The following GALNT13 variants were observed in gnomAD, a reference collection of about 807,000 sequenced individuals.
GALNT13 encodes the protein polypeptide N-acetylgalactosaminyltransferase 13.
Under a neutral mutation model 64.2 loss-of-function variants are expected in GALNT13, and 28 were observed. The observed-to-expected ratio is 0.44, with a 90% CI of 0.32 to 0.60. GALNT13 has a LOEUF of 0.60. Ranked by LOEUF, GALNT13 falls within the 20% of genes least tolerant of loss-of-function variation. The pLI, the probability that GALNT13 is intolerant of heterozygous loss-of-function variation, is 0.05. For missense variants in GALNT13, 577 were observed against 669.8 expected (o/e 0.86, Z 1.53); for synonymous variants, 214 against 224.6 (o/e 0.95, Z 0.42).
At chr2:153,331,190 G>T in the GALNT13 span, among the ~76,000 whole-genome samples, 1 of 150,548 alleles carries the variant, frequency 6.6e-6, no homozygotes. Context: ...TTTTGTTGAA[G>T]ATTTTTGTGT....
chr2:153,767,793 GT>G, the GALNT13 span, among the ~76,000 whole-genome samples: 15,279 of 145,132 alleles, frequency 0.11, 923 homozygotes, highest in African/African-American at 0.16. Context: ...ACTTTTTAAT[GT>G]TTTTTTTTTT....
chr2:153,285,212 A>T, the GALNT13 span, among the ~76,000 whole-genome samples: 6 of 152,130 alleles, frequency 3.9e-5, no homozygotes, highest in Non-Finnish European at 8.8e-5. Flanking sequence ...CTCACTCATT[A>T]TCATGAGAAC....
chr2:153,164,067 C>A, the GALNT13 span, among the ~76,000 whole-genome samples: 1 of 151,180 alleles, frequency 6.6e-6, no homozygotes, highest in Non-Finnish European at 1.5e-5. Flanking sequence ...AAATATAATT[C>A]CATAATTTTA....
chr2:153,257,318 C>T, the GALNT13 span, among the ~76,000 whole-genome samples: 17 of 152,038 alleles, frequency 1.1e-4, no homozygotes, highest in African/African-American at 2.2e-4. Context: ...GGCTCGTGCA[C>T]GGTGCGCGCA....
chr2:154,421,609 C>G (rs1700253912), intron 11 of GALNT13, among the ~76,000 whole-genome samples: 1 of 3,452 alleles, frequency 2.9e-4, no homozygotes, highest in Admixed American at 4.9e-3. Flanking sequence ...AATTTTTTTC[C>G]AAATCTATTC....
chr2:153,260,204 T>C, the GALNT13 span, among the ~76,000 whole-genome samples: 1 of 152,356 alleles, frequency 6.6e-6, no homozygotes, highest in African/African-American at 2.4e-5. Context: ...GATATGTTCA[T>C]ATTTTAGTCT....
the GALNT13 span, among the ~76,000 whole-genome samples, chr2:153,194,068 G>A: frequency 2.0e-5 from 3 of 152,126 alleles, no homozygotes; most frequent in African/African-American, 4.8e-5. Context: ...ATATGCAAGG[G>A]AGAAGATATT....
the GALNT13 span, among the ~76,000 whole-genome samples, chr2:153,846,027 T>A: frequency 1.3e-5 from 2 of 152,164 alleles, no homozygotes; most frequent in Non-Finnish European, 2.9e-5. Flanking sequence ...TAATGTGAAG[T>A]CTTTTCCAGA....
chr2:153,619,997 T>G, the GALNT13 span, among the ~76,000 whole-genome samples: 3 of 152,264 alleles, frequency 2.0e-5, no homozygotes, highest in South Asian at 6.2e-4. Flanking sequence ...TTTCTCTAGA[T>G]TCAGGAAGTT....
intron 9 of GALNT13, among the ~76,000 whole-genome samples, chr2:154,391,562 G>A (rs532259489): frequency 1.5e-4 from 23 of 152,304 alleles, no homozygotes; most frequent in African/African-American, 5.5e-4. Context: ...AGTGAAGTGG[G>A]AGTGGTTTCC....
chr2:154,137,974 C>G (rs1352917440), intron 3 of GALNT13, among the ~76,000 whole-genome samples: 1 of 152,008 alleles, frequency 6.6e-6, no homozygotes, highest in East Asian at 1.9e-4. Context: ...ACAAATCCCC[C>G]CACCCCTTCC....
chr2:153,307,133 ATGTATGTCTTGATT>A, the GALNT13 span, among the ~76,000 whole-genome samples: 1 of 152,232 alleles, frequency 6.6e-6, no homozygotes, highest in Non-Finnish European at 1.5e-5. Flanking sequence ...TTCAGCATTC[ATGTATGTCTTGATT>A]TAAGACAATC....
At chr2:153,233,832 C>T in the GALNT13 span, among the ~76,000 whole-genome samples, 2 of 152,106 alleles carry the variant, frequency 1.3e-5, no homozygotes, top group South Asian at 2.1e-4. Flanking sequence ...GCAGTCAATG[C>T]CGTGTTTCCT....
At chr2:153,437,374 A>G in the GALNT13 span, among the ~76,000 whole-genome samples, 231 of 152,134 alleles carry the variant, frequency 1.5e-3, 2 homozygotes, top group Middle Eastern at 3.4e-3. Flanking sequence ...CAATTCCTGG[A>G]TATCCTCGTT....
chr2:153,903,270 T>C (rs1253181056), intron 2 of GALNT13, among the ~76,000 whole-genome samples: 1 of 152,062 alleles, frequency 6.6e-6, no homozygotes, highest in Non-Finnish European at 1.5e-5. Context: ...ATTTTGTATC[T>C]TGGGTCCGTA....
At chr2:153,196,516 G>T in the GALNT13 span, among the ~76,000 whole-genome samples, 3 of 152,140 alleles carry the variant, frequency 2.0e-5, no homozygotes, top group African/African-American at 4.8e-5. Context: ...TCCCAAGCCT[G>T]TGGGGGCAAA....
the GALNT13 span, among the ~76,000 whole-genome samples, chr2:153,146,869 C>T: frequency 6.6e-6 from 1 of 151,514 alleles, no homozygotes; most frequent in Non-Finnish European, 1.5e-5. Context: ...CGGACAGGTC[C>T]TCTCCCAGGG....
chr2:153,461,656 A>G, the GALNT13 span, among the ~76,000 whole-genome samples: 3 of 152,230 alleles, frequency 2.0e-5, no homozygotes, highest in African/African-American at 7.2e-5. Context: ...ATCATAATAC[A>G]TCTCCTCTGT....
the GALNT13 span, among the ~76,000 whole-genome samples, chr2:153,410,779 T>C: frequency 6.6e-6 from 1 of 151,942 alleles, no homozygotes; most frequent in Non-Finnish European, 1.5e-5. Flanking sequence ...CCATATATAG[T>C]GTATTGATTA....
Sources: gnomAD v4.1 joint callset for allele counts (sites outside exome capture counted in the v4.1 genomes callset) on GRCh38, gnomAD v4.1.1 for gene constraint, MANE v1.5 for transcripts, NCBI Gene and HGNC (gene_info 2026-07-23, HGNC 2026-07-21) for gene names.